Variants in EPB41L3 observed in about 807,000 individuals in gnomAD.
EPB41L3 encodes the protein band 4.1-like protein 3.
Under a neutral mutation model 127.1 loss-of-function variants are expected in EPB41L3, and 57 were observed. The observed-to-expected ratio is 0.45, with a 90% CI of 0.36 to 0.56. The LOEUF is 0.56. EPB41L3 is among the 20% of genes least tolerant of loss of function. The pLI, the probability that EPB41L3 is intolerant of heterozygous loss-of-function variation, is 0.00. For missense variants in EPB41L3, 1,273 were observed against 1,372.2 expected (o/e 0.93, Z 1.14); for synonymous variants, 572 against 549.5 (o/e 1.04, Z -0.57).
rs141662454 is a variant in EPB41L3, at chr18:5,600,324, A to G, written c.-306+12016T>C. Among the ~76,000 whole-genome samples the G allele has an allele frequency of 6.0e-3, 912 of 152,312 alleles. 4 individuals carry two copies. The highest frequency in any genetic ancestry group is 0.01 in the Middle Eastern group (3 of 294). The stretch of plus-strand genomic sequence containing the variant: ...GGTAATGTTTACAACCTAAAATTAT[A>G]TTTGGACACATAAGAGATGTAATTT... On this transcript the variant is annotated intron_variant, in intron 3 of 21. Transcript: ENST00000545076.
intron 9 of EPB41L3, among the ~76,000 whole-genome samples, chr18:5,426,103 G>C (rs1202055406): frequency 6.6e-6 from 1 of 152,130 alleles, no homozygotes; most frequent in Middle Eastern, 3.2e-3. Flanking sequence ...TTCTCAAATA[G>C]TGGTATTATC....
intron 1 of EPB41L3, among the ~76,000 whole-genome samples, chr18:5,512,092 C>T (rs1293816989): frequency 6.6e-6 from 1 of 152,174 alleles, no homozygotes; most frequent in Non-Finnish European, 1.5e-5. Flanking sequence ...GATCAGACCA[C>T]CCAGCTGCTT....
chr18:5,489,098 G>T lies in EPB41L3; in HGVS notation c.86C>A (p.Ala29Glu), dbSNP rs776307591. 4 of 1,592,204 alleles carry T rather than the reference G, an allele frequency of 2.5e-6. No homozygotes were observed. Among genetic ancestry groups the T allele is most frequent in the Non-Finnish European group, 8.5e-7 (1 of 1,173,926 alleles). The change falls in exon 2 of 23, where the codon GCG (alanine) becomes GAG (glutamate). Residue 29 changes from alanine to glutamate, a missense_variant. Around this residue, in one of 3 missense-constraint regions of EPB41L3, gnomAD observed 182 missense variants for 149.2 expected, o/e 1.22. Coordinates refer to ENST00000341928, the MANE Select transcript of EPB41L3 (RefSeq NM_012307.5). ...PQEAAGAQGR[A>E]GAPVPEPPKE... Reference sequence around the variant, plus strand: ...GGGCGGCTCCGGCACGGGCGCCCCCGCGCGCCCCTGCGCCCCCGCCGCCTC... The same window carrying T: ...GGGCGGCTCCGGCACGGGCGCCCCCTCGCGCCCCTGCGCCCCCGCCGCCTC...
intron 9 of EPB41L3, 72 bp downstream of exon 9, chr18:5,428,241 A>C: frequency 6.4e-7 from 1 of 1,565,920 alleles, no homozygotes; most frequent in African/African-American, 1.4e-5. Context: ...ACTCATAAGC[A>C]GATAATTTAA....
chr18:5,610,158 T>G, intron 3 of EPB41L3: 1 of 985,378 alleles, frequency 1.0e-6, no homozygotes, highest in Non-Finnish European at 1.2e-6. Context: ...ATTATCCACG[T>G]CCCAACAAGC....
chr18:5,572,700 A>G (rs939399070), intron 3 of EPB41L3, among the ~76,000 whole-genome samples: 1 of 152,184 alleles, frequency 6.6e-6, no homozygotes, highest in Non-Finnish European at 1.5e-5. Flanking sequence ...CAGTATCCCA[A>G]GTAGCTGGGA....
At chr18:5,398,407 G>T in intron 16 of EPB41L3, 1 of 487,280 alleles carries the variant, frequency 2.1e-6, no homozygotes, top group Non-Finnish European at 3.6e-6. Context: ...TTCATTGCAA[G>T]CCACAGCAGC....
chr18:5,398,918 G>A, intron 16 of EPB41L3: 1 of 399,092 alleles, frequency 2.5e-6, no homozygotes, highest in Non-Finnish European at 4.4e-6. Context: ...CCTCCTTGAT[G>A]GGGGCCAGGG....
intron 3 of EPB41L3, among the ~76,000 whole-genome samples, chr18:5,464,581 T>C (rs1019952320): frequency 1.2e-4 from 18 of 152,116 alleles, no homozygotes; most frequent in Admixed American, 1.1e-3. Flanking sequence ...TCTCTTTCCT[T>C]CCTCCCAGCT....
chr18:5,471,899 A>G (rs1488352779), intron 3 of EPB41L3, among the ~76,000 whole-genome samples: 3 of 152,180 alleles, frequency 2.0e-5, no homozygotes, highest in Admixed American at 1.3e-4. Flanking sequence ...GGAGTTAGCA[A>G]AAAGAATGCC....
rs978086430 is a variant in EPB41L3, at chr18:5,419,717, C to T, written c.1500G>A (p.Glu500=). 1 of 1,614,006 alleles carries T rather than the reference C, an allele frequency of 6.2e-7. No homozygotes were observed. The highest frequency in any genetic ancestry group is 1.7e-5 in the Admixed American group (1 of 60,020). The part of the protein sequence containing the change: ...EVTPISAIRH[E]GKSPGLGTDS... Reference sequence around the variant, plus strand: ...GGCAGTCTGGGAGCTATACCTTTCCCTCGTGCCGGATGGCCGAGATGGGCG... The same window carrying T: ...GGCAGTCTGGGAGCTATACCTTTCCTTCGTGCCGGATGGCCGAGATGGGCG... The change falls in exon 12 of 23, where the codon GAG becomes GAA. Residue 500 remains glutamate (E), a synonymous_variant. Transcript: ENST00000341928.
intron 1 of EPB41L3, among the ~76,000 whole-genome samples, chr18:5,505,461 T>A (rs183552790): frequency 6.6e-6 from 1 of 150,698 alleles, no homozygotes; most frequent in Admixed American, 6.6e-5. Context: ...AACCCCTGCC[T>A]CCCCACACCT....
intron 3 of EPB41L3, among the ~76,000 whole-genome samples, chr18:5,601,266 G>A (rs942769102): frequency 6.6e-6 from 1 of 152,046 alleles, no homozygotes; most frequent in African/African-American, 2.4e-5. Context: ...AGGAGATAAG[G>A]CTTCAGAGAT....
At chr18:5,496,541 G>A (rs1401291570) in intron 1 of EPB41L3, among the ~76,000 whole-genome samples, 2 of 152,220 alleles carry the variant, frequency 1.3e-5, no homozygotes, top group East Asian at 3.8e-4. Context: ...AGTGGCAGAA[G>A]AACCAATTCA....
At chr18:5,494,433 G>A (rs2090943976) in intron 1 of EPB41L3, among the ~76,000 whole-genome samples, 1 of 152,196 alleles carries the variant, frequency 6.6e-6, no homozygotes. Context: ...CAAGTCGGGT[G>A]GATCCTCTGA....
intron 1 of EPB41L3, among the ~76,000 whole-genome samples, chr18:5,522,048 G>C (rs114396416): frequency 6.6e-6 from 1 of 152,134 alleles, no homozygotes; most frequent in South Asian, 2.1e-4. Context: ...AAGCAAAAGG[G>C]TTATCTTTAG....
At position 5,489,176 on chromosome 18, in the gene EPB41L3, G is replaced by A; in HGVS notation, c.8C>T (p.Thr3Ile). Residue 3 changes from threonine to isoleucine, a missense_variant, in exon 2 of 23, where the codon ACC (threonine) becomes ATC (isoleucine). Thr to Ile is a moderately conservative substitution (Grantham distance 89, BLOSUM62 -1). Coordinates refer to ENST00000341928, the MANE Select transcript of EPB41L3 (RefSeq NM_012307.5). ...GGATTCCGAGTCTGATCCAGATTCG[G>A]TCGTCATGGTTGATTGTTCTGCAAG... MT[T>I]ESGSDSESKP... 1 of 1,594,264 alleles carries A rather than the reference G, an allele frequency of 6.3e-7. No homozygotes were observed. Among genetic ancestry groups the A allele is most frequent in the Non-Finnish European group, 8.5e-7 (1 of 1,174,284 alleles).
chr18:5,448,107 A>G (rs2081780251), intron 3 of EPB41L3, among the ~76,000 whole-genome samples: 1 of 152,150 alleles, frequency 6.6e-6, no homozygotes, highest in Admixed American at 6.5e-5. Context: ...CTCATCCTTG[A>G]GTGGGGATGT....
intron 1 of EPB41L3, among the ~76,000 whole-genome samples, chr18:5,619,929 A>G (rs1374153421): frequency 6.6e-6 from 1 of 152,226 alleles, no homozygotes; most frequent in Non-Finnish European, 1.5e-5. Context: ...GATTGTTATT[A>G]GATCAATGTG....
Sources: gnomAD v4.1 joint callset for allele counts (sites outside exome capture counted in the v4.1 genomes callset) on GRCh38, gnomAD v4.1.1 for gene constraint, gnomAD v4.1.1 regional missense constraint, MANE v1.5 for transcripts, NCBI Gene and HGNC (gene_info 2026-07-23, HGNC 2026-07-21) for gene names.